STX16: variants seen among roughly 807,000 people sequenced by gnomAD.
The protein encoded by STX16 is syntaxin 16.
STX16 carries 28 observed loss-of-function variants against 42.7 expected under a neutral mutation model. The observed-to-expected ratio is 0.66, with a 90% CI of 0.49 to 0.90. The LOEUF (loss-of-function observed/expected upper bound fraction) is 0.90. STX16 is among the 40% of genes least tolerant of loss of function. The probability of loss-of-function intolerance (pLI) is 0.00; values close to 1 mark genes in which losing one functional copy is unlikely to be tolerated. For missense variants in STX16, 361 were observed against 420.9 expected, an observed-to-expected ratio of 0.86 and a Z score of 1.24; for synonymous variants, 156 against 155.2, an observed-to-expected ratio of 1.00 and a Z score of -0.04.
intron 1 of STX16, among the ~76,000 whole-genome samples, chr20:58,656,974 C>T (rs1399413326): frequency 6.6e-6 from 1 of 152,218 alleles, no homozygotes; most frequent in Admixed American, 6.5e-5. Context: ...CAGTGTCACC[C>T]ACCTGATGGC....
chr20:58,669,555 G>A, intron 5 of STX16, 102 bp downstream of exon 5: 1 of 1,357,648 alleles, frequency 7.4e-7, no homozygotes, highest in Non-Finnish European at 9.9e-7. Context: ...ACCTTTCATT[G>A]TTAGCTTTTG....
intron 2 of STX16, chr20:58,667,217 T>G (rs746066129): frequency 1.9e-6 from 1 of 537,302 alleles, no homozygotes; most frequent in South Asian, 1.6e-5. Flanking sequence ...CAAGTCAAAT[T>G]TACGTTCTGA....
intron 2 of STX16, among the ~76,000 whole-genome samples, chr20:58,664,179 G>A (rs2083764571): frequency 6.6e-6 from 1 of 152,198 alleles, no homozygotes; most frequent in African/African-American, 2.4e-5. Context: ...TTAAAAGGGT[G>A]CTTATGTTGC....
intron 8 of STX16, 79 bp downstream of exon 8, chr20:58,673,790 C>T (rs1255124597): frequency 5.9e-6 from 6 of 1,009,704 alleles, no homozygotes; most frequent in South Asian, 2.7e-5. Flanking sequence ...TTCTTTTCCA[C>T]CATAACGATC....
rs762077645 is a variant in STX16, at chr20:58,670,484, A to T, written c.557-28A>T. The T allele has an allele frequency of 1.0e-5, 16 of 1,571,052 alleles. No homozygotes were observed. In the Admixed American group the frequency reaches 2.3e-4, roughly 23 times the overall value. The stretch of plus-strand genomic sequence containing the variant: ...AATACTCAGGATGGTTTACATATTC[A>T]AGTAAAATGAATTCCTATCTGTGAT... On this transcript the variant is annotated intron_variant, in intron 5 of 8. Coordinates refer to ENST00000371141, the MANE Select transcript of STX16 (RefSeq NM_001001433.3).
chr20:58,670,835 C>T (rs1178560891), intron 6 of STX16, among the ~76,000 whole-genome samples: 1 of 152,202 alleles, frequency 6.6e-6, no homozygotes, highest in African/African-American at 2.4e-5. Flanking sequence ...AAGTGGTCAA[C>T]ACCCTGCCTT....
Position 58,659,606 on chromosome 20 carries a change from A to G in STX16, c.133-17A>G, listed in dbSNP as rs2083653190. ...CCCCAACTGGATGGGACTGATGGGG[A>G]CAACATGTCTCTTCAGGAGCTGGAC... On this transcript the variant is annotated splice_polypyrimidine_tract_variant and intron_variant, in intron 1 of 8. Coordinates refer to ENST00000371141, the MANE Select transcript of STX16 (RefSeq NM_001001433.3). 2 of 1,612,538 alleles carry G rather than the reference A, an allele frequency of 1.2e-6. No homozygotes were observed. The highest frequency in any genetic ancestry group is 1.7e-6 in the Non-Finnish European group (2 of 1,179,598).
chr20:58,660,421 A>G (rs1262730736), intron 2 of STX16, among the ~76,000 whole-genome samples: 1 of 152,128 alleles, frequency 6.6e-6, no homozygotes, highest in Admixed American at 6.5e-5. Context: ...ATGAATAGTA[A>G]AGTAGGATTA....
rs2083609023 is a variant in STX16 at position 58,657,511 on chromosome 20, T to C, written c.133-2112T>C. Among the ~76,000 whole-genome samples, 1 of 152,220 alleles carries C rather than the reference T, an allele frequency of 6.6e-6. No individual in the cohort carries two copies. Among genetic ancestry groups the C allele is most frequent in the South Asian group, 2.1e-4 (1 of 4,828 alleles). Reference sequence around the variant, plus strand: ...TAAACACAGATGGGTTTCCACTTATTTTTCAGTTTTATGTAGAAAGTTCTT... The same window carrying C: ...TAAACACAGATGGGTTTCCACTTATCTTTCAGTTTTATGTAGAAAGTTCTT... On this transcript the variant is annotated intron_variant, in intron 1 of 8. Coordinates refer to ENST00000371141, the MANE Select transcript of STX16 (RefSeq NM_001001433.3). This position sits in a 1 kb window ranked among gnomAD's most constrained non-coding sequence, Gnocchi z 4.2.
chr20:58,654,603 T>C (rs942028060), intron 1 of STX16, among the ~76,000 whole-genome samples: 14 of 152,236 alleles, frequency 9.2e-5, no homozygotes, highest in African/African-American at 2.9e-4. Context: ...CTCTTAGCAA[T>C]GCTTTTCACT....
At chr20:58,675,858 C>G (rs756926068) in intron 8 of STX16, among the ~76,000 whole-genome samples, 1 of 152,186 alleles carries the variant, frequency 6.6e-6, no homozygotes, top group Non-Finnish European at 1.5e-5. Flanking sequence ...CTTGCCACGG[C>G]CTGCAGGAGG....
At chr20:58,659,745 G>A (rs908654069) in intron 2 of STX16, 111 bp downstream of exon 2, 5 of 1,146,108 alleles carry the variant, frequency 4.4e-6, no homozygotes, top group Non-Finnish European at 6.3e-6. Flanking sequence ...TACATATTTA[G>A]CATTTGTTTT....
intron 7 of STX16, 96 bp downstream of exon 7, chr20:58,671,393 A>G: frequency 7.7e-7 from 1 of 1,301,926 alleles, no homozygotes; most frequent in Non-Finnish European, 1.0e-6. Flanking sequence ...AATTGGAGCC[A>G]ATTTTCCCAA....
Position 58,679,228 on chromosome 20 carries a change from C to T in STX16, c.*2937C>T, listed in dbSNP as rs375254327. On this transcript the variant is annotated 3_prime_UTR_variant, in exon 9 of 9. Coordinates refer to ENST00000371141, the MANE Select transcript of STX16 (RefSeq NM_001001433.3). ...GTGTGTCTCTGATTTAACGGATTCA[C>T]TGTTTTCTCTGCTAATTGAGAGAGC... 5 of 152,556 alleles carry T rather than the reference C, an allele frequency of 3.3e-5. No homozygotes were observed. Among genetic ancestry groups the T allele is most frequent in the African/African-American group, 1.2e-4 (5 of 41,460 alleles). The allele number at this position is 152,556 out of a possible 1,614,324, so 9.5% of individuals were successfully genotyped here.
At chr20:58,653,379 A>G (rs1274124768) in intron 1 of STX16, among the ~76,000 whole-genome samples, 2 of 152,242 alleles carry the variant, frequency 1.3e-5, no homozygotes, top group Non-Finnish European at 2.9e-5. Context: ...GTCTTTGGCC[A>G]TATAACTGAT....
At chr20:58,673,073 T>G (rs116483001) in intron 7 of STX16, among the ~76,000 whole-genome samples, 1 of 152,214 alleles carries the variant, frequency 6.6e-6, no homozygotes, top group African/African-American at 2.4e-5. Context: ...TTTAAGAGAT[T>G]AAACAATTAA....
chr20:58,659,755 T>C, intron 2 of STX16, 121 bp downstream of exon 2: 1 of 1,042,672 alleles, frequency 9.6e-7, no homozygotes, highest in Non-Finnish European at 1.4e-6. Context: ...GCATTTGTTT[T>C]GATTACTTTA....
intron 2 of STX16, among the ~76,000 whole-genome samples, chr20:58,660,713 C>CA (rs2083677960): frequency 1.4e-5 from 1 of 70,726 alleles, no homozygotes; most frequent in Non-Finnish European, 2.5e-5. Context: ...ATTCCTGCTC[C>CA]TTTTTTTTTT....
Position 58,668,060 on chromosome 20 carries a change from G to C in STX16, c.326G>C (p.Arg109Thr). ...AGCCTTCATGACAAGCATTTAAACA[G>C]ACCCACCCTGGATGACAGCAGCGAA... Reference protein sequence around the residue: ...LASLHDKHLNRPTLDDSSEEE... With the variant: ...LASLHDKHLNTPTLDDSSEEE... The change falls in exon 4 of 9, where the codon AGA becomes ACA. Residue 109 changes from arginine (R) to threonine (T), a missense_variant. Physicochemically the swap from Arg to Thr is moderately conservative, Grantham distance 71 (BLOSUM62 -1). Coordinates refer to ENST00000371141, the MANE Select transcript of STX16 (RefSeq NM_001001433.3). 6.2e-7 allele frequency: 1 copy of C among 1,614,212 alleles called. No homozygotes were observed. Among genetic ancestry groups the C allele is most frequent in the African/African-American group, 1.3e-5 (1 of 75,048 alleles).
Sources: gnomAD v4.1 joint callset for allele counts (sites outside exome capture counted in the v4.1 genomes callset) on GRCh38, gnomAD v4.1.1 for gene constraint, Gnocchi (gnomAD v3.1) non-coding constraint, MANE v1.5 for transcripts, NCBI Gene and HGNC (gene_info 2026-07-23, HGNC 2026-07-21) for gene names.